TMCC1: variants seen among roughly 807,000 people sequenced by gnomAD.
The protein encoded by TMCC1 is transmembrane and coiled-coil domains protein 1.
In TMCC1, 15 loss-of-function variants were observed where a neutral mutation model predicts 52.4. The ratio of observed to expected loss-of-function variants is 0.29; its 90% CI spans 0.19 to 0.44. The LOEUF (loss-of-function observed/expected upper bound fraction) is 0.44. Among genes scored for constraint, TMCC1 ranks in the 20% least tolerant of loss-of-function variants. The probability of loss-of-function intolerance (pLI) is 1.00; values close to 1 mark genes in which losing one functional copy is unlikely to be tolerated. For synonymous variants in TMCC1, 279 were observed against 301.9 expected, an observed-to-expected ratio of 0.92 and a Z score of 0.79; for missense variants, 503 against 806.0, an observed-to-expected ratio of 0.62 and a Z score of 4.55.
intron 4 of TMCC1, among the ~76,000 whole-genome samples, chr3:129,760,484 G>T (rs1429421122): frequency 7.1e-6 from 1 of 141,276 alleles, no homozygotes; most frequent in Admixed American, 6.8e-5. Flanking sequence ...GTGTGTGTGT[G>T]TGTGTGTGTG....
At chr3:129,762,964 T>C (rs1269363324) in intron 4 of TMCC1, among the ~76,000 whole-genome samples, 1 of 151,698 alleles carries the variant, frequency 6.6e-6, no homozygotes, top group East Asian at 1.9e-4. Flanking sequence ...TTTGGGAGGC[T>C]GAGGTGGGTG....
chr3:129,797,223 G>A (rs1347730027), intron 4 of TMCC1, among the ~76,000 whole-genome samples: 2 of 152,076 alleles, frequency 1.3e-5, no homozygotes, highest in Non-Finnish European at 2.9e-5. Flanking sequence ...CTACTCAGGA[G>A]GCTGAGGCAG....
chr3:129,804,094 T>C (rs377510381), intron 4 of TMCC1, among the ~76,000 whole-genome samples: 132 of 152,094 alleles, frequency 8.7e-4, no homozygotes, highest in African/African-American at 2.9e-3. Flanking sequence ...CAGTGAAAAA[T>C]GAGAACACTG....
At chr3:129,801,778 C>T (rs1009838339) in intron 4 of TMCC1, among the ~76,000 whole-genome samples, 1 of 152,174 alleles carries the variant, frequency 6.6e-6, no homozygotes, top group Admixed American at 6.5e-5. Context: ...AGGGTAGATG[C>T]TAACATATGA....
At chr3:129,889,845 G>C (rs1360053680) in intron 1 of TMCC1, among the ~76,000 whole-genome samples, 2 of 148,814 alleles carry the variant, frequency 1.3e-5, no homozygotes, top group African/African-American at 5.0e-5. Context: ...AGAAGGTCTA[G>C]AATTATCAGG....
intron 4 of TMCC1, among the ~76,000 whole-genome samples, chr3:129,799,663 T>A (rs1269053622): frequency 6.6e-6 from 1 of 151,788 alleles, no homozygotes; most frequent in East Asian, 1.9e-4. Flanking sequence ...ACAAAAAAAA[T>A]TGGCTGGGCG....
chr3:129,737,944 T>C (rs911167119), intron 4 of TMCC1, among the ~76,000 whole-genome samples: 3 of 151,964 alleles, frequency 2.0e-5, no homozygotes, highest in East Asian at 1.9e-4. Context: ...AAATAATATA[T>C]ATAAACTCCA....
At chr3:129,693,180 G>A (rs745322424) in intron 4 of TMCC1, among the ~76,000 whole-genome samples, 19 of 152,140 alleles carry the variant, frequency 1.2e-4, no homozygotes, top group Admixed American at 3.9e-4. Flanking sequence ...ATGGGTTTGC[G>A]TCTTTGGTTT....
At chr3:129,678,211 C>A (rs570117426) in intron 4 of TMCC1, among the ~76,000 whole-genome samples, 1 of 151,790 alleles carries the variant, frequency 6.6e-6, no homozygotes, top group Non-Finnish European at 1.5e-5. Context: ...TGAGCCACCA[C>A]GCCTGGCCAA....
chr3:129,817,759 T>C (rs1188880588), intron 4 of TMCC1, among the ~76,000 whole-genome samples: 4 of 152,096 alleles, frequency 2.6e-5, no homozygotes, highest in African/African-American at 4.8e-5. Flanking sequence ...GTGATTCTCA[T>C]GCCTCATCCT....
At chr3:129,868,436 GTTTCT>G (rs1164361354) in intron 2 of TMCC1, among the ~76,000 whole-genome samples, 1 of 152,088 alleles carries the variant, frequency 6.6e-6, no homozygotes, top group Non-Finnish European at 1.5e-5. Context: ...GCATTTAGCT[GTTTCT>G]TTTCTTTTCT....
chr3:129,692,102 A>T (rs2047066768), intron 4 of TMCC1, among the ~76,000 whole-genome samples: 1 of 152,228 alleles, frequency 6.6e-6, no homozygotes, highest in Admixed American at 6.5e-5. Flanking sequence ...ATCAGAGTTA[A>T]CTATAATACT....
At chr3:129,740,269 T>G (rs1451803556) in intron 4 of TMCC1, among the ~76,000 whole-genome samples, 4 of 152,236 alleles carry the variant, frequency 2.6e-5, no homozygotes, top group Admixed American at 1.3e-4. Flanking sequence ...ATTGCAAGTC[T>G]GCTAGTCAGA....
At chr3:129,652,607 T>TA (rs1469214158) in intron 6 of TMCC1, among the ~76,000 whole-genome samples, 2 of 152,212 alleles carry the variant, frequency 1.3e-5, no homozygotes, top group Non-Finnish European at 2.9e-5. Context: ...CATCAGTTTT[T>TA]AAAAAAATTA....
In TMCC1 at chr3:129,702,882, A is replaced by T. The variant is rs1464961735; in HGVS notation, c.577-31618T>A. On this transcript the variant is annotated intron_variant, in intron 4 of 6. Transcript: ENST00000393238. ...AATACAAAAATTAGCTGGGCGTGAT[A>T]GCGTGCGCCTGTAATCTCAGCTACT... Among the ~76,000 whole-genome samples the T allele has an allele frequency of 2.6e-5, 4 of 152,194 alleles. No individual in the cohort carries two copies. In the South Asian group the frequency reaches 8.3e-4, roughly 32 times the overall value.
chr3:129,881,048 G>C (rs2061435400), intron 1 of TMCC1, among the ~76,000 whole-genome samples: 1 of 151,932 alleles, frequency 6.6e-6, no homozygotes. Flanking sequence ...ATTTTCAGTA[G>C]AGACTGGGTT....
chr3:129,670,262 T>A, intron 5 of TMCC1, 68 bp downstream of exon 5: 7 of 1,492,204 alleles, frequency 4.7e-6, no homozygotes, highest in Non-Finnish European at 6.3e-6. Context: ...TTAAAAGCCA[T>A]TTCCCCATAT....
intron 4 of TMCC1, among the ~76,000 whole-genome samples, chr3:129,825,407 C>A (rs1048017497): frequency 6.6e-6 from 1 of 152,022 alleles, no homozygotes; most frequent in Non-Finnish European, 1.5e-5. Context: ...TTTCCTAAAT[C>A]TGGCTATAAA....
intron 4 of TMCC1, among the ~76,000 whole-genome samples, chr3:129,716,751 C>A (rs912251129): frequency 6.6e-6 from 1 of 152,100 alleles, no homozygotes; most frequent in South Asian, 2.1e-4. Context: ...TTCTCCACTG[C>A]GTGCCATTCA....
Sources: allele counts gnomAD v4.1 joint callset (sites outside exome capture counted in the v4.1 genomes callset), GRCh38; gene constraint gnomAD v4.1.1; transcripts MANE v1.5; gene names NCBI Gene and HGNC (gene_info 2026-07-23, HGNC 2026-07-21).